RGL1: variants seen among roughly 807,000 people sequenced by gnomAD.
RGL1 encodes ral guanine nucleotide dissociation stimulator-like 1.
In RGL1, 24 loss-of-function variants were observed where a neutral mutation model predicts 95.2. The observed-to-expected ratio is 0.25, with a 90% CI of 0.18 to 0.35. The LOEUF is 0.35. Among genes scored for constraint, RGL1 ranks in the 10% least tolerant of loss-of-function variants. The pLI is 1.00. For missense variants in RGL1, 715 were observed against 936.3 expected, an observed-to-expected ratio of 0.76 and a Z score of 3.08; for synonymous variants, 329 against 344.9, an observed-to-expected ratio of 0.95 and a Z score of 0.51.
intron 15 of RGL1, among the ~76,000 whole-genome samples, chr1:183,914,760 C>T (rs1342536814): frequency 3.9e-5 from 6 of 152,076 alleles, no homozygotes; most frequent in African/African-American, 1.4e-4. Context: ...GCTGCTATAA[C>T]CCAGGCATAT....
At chr1:183,710,407 G>C (rs754825812) in intron 1 of RGL1, among the ~76,000 whole-genome samples, 1 of 152,180 alleles carries the variant, frequency 6.6e-6, no homozygotes, top group Non-Finnish European at 1.5e-5. Context: ...TGGTAAGGGG[G>C]AAGGTTATCA....
chr1:183,904,306 A>C (rs1285814202), intron 12 of RGL1, among the ~76,000 whole-genome samples: 1 of 152,202 alleles, frequency 6.6e-6, no homozygotes, highest in Non-Finnish European at 1.5e-5. Flanking sequence ...AAATCTAAAC[A>C]TTCAATTTTA....
At chr1:183,831,182 C>A (rs966907612) in intron 2 of RGL1, among the ~76,000 whole-genome samples, 1 of 152,016 alleles carries the variant, frequency 6.6e-6, no homozygotes, top group African/African-American at 2.4e-5. Context: ...GAGGGGTGCT[C>A]TAGGGGGTTT....
chr1:183,778,779 C>T (rs552177218), intron 2 of RGL1, among the ~76,000 whole-genome samples: 1 of 152,292 alleles, frequency 6.6e-6, no homozygotes, highest in African/African-American at 2.4e-5. Context: ...GCATAAGTCT[C>T]TCTGAGCAGA....
chr1:183,846,553 G>A (rs920079696), intron 2 of RGL1, among the ~76,000 whole-genome samples: 11 of 150,664 alleles, frequency 7.3e-5, no homozygotes, highest in Admixed American at 2.0e-4. Flanking sequence ...AAAAAAAAAA[G>A]AATAAAAAAC....
intron 1 of RGL1, among the ~76,000 whole-genome samples, chr1:183,693,016 A>G (rs1235212172): frequency 1.3e-5 from 2 of 151,066 alleles, no homozygotes; most frequent in Non-Finnish European, 2.9e-5. Context: ...GTGCAGTGGC[A>G]CGATCTCAGC....
At chr1:183,664,360 T>C (rs1178414438) in intron 1 of RGL1, among the ~76,000 whole-genome samples, 3 of 152,308 alleles carry the variant, frequency 2.0e-5, no homozygotes, top group African/African-American at 7.2e-5. Flanking sequence ...TTTACGGTTT[T>C]CTTCATATAG....
chr1:183,778,886 C>A (rs1659733339), intron 2 of RGL1, among the ~76,000 whole-genome samples: 1 of 152,172 alleles, frequency 6.6e-6, no homozygotes, highest in Non-Finnish European at 1.5e-5. Context: ...CCTTTGAAGA[C>A]AAATGGGCCG....
intron 1 of RGL1, among the ~76,000 whole-genome samples, chr1:183,711,631 A>G (rs1655276501): frequency 6.6e-6 from 1 of 152,174 alleles, no homozygotes; most frequent in African/African-American, 2.4e-5. Flanking sequence ...TTGGAGGGGA[A>G]TTCATTCCAT....
Position 183,909,860 on chromosome 1 carries a change from C to T in RGL1, c.1563-2222C>T, listed in dbSNP as rs1039194174. On this transcript the variant is annotated intron_variant, in intron 14 of 17. Coordinates refer to ENST00000360851, the MANE Select transcript of RGL1 (RefSeq NM_001297671.3). ...ACTACTTGTGGTGTAAATCTGTTAA[C>T]GGTAAACCTTCTCAGTCTTAGTCTG... Among the ~76,000 whole-genome samples the T allele has an allele frequency of 5.3e-5, 8 of 152,226 alleles. No homozygotes were observed. In the South Asian group the frequency reaches 6.2e-4, roughly 12 times the overall value.
At chr1:183,828,063 A>G (rs950366161) in intron 2 of RGL1, among the ~76,000 whole-genome samples, 18 of 152,220 alleles carry the variant, frequency 1.2e-4, no homozygotes, top group African/African-American at 4.1e-4. Flanking sequence ...AAGTTAAATC[A>G]CATTCCTGGA....
At chr1:183,721,903 A>G (rs1656032229) in intron 1 of RGL1, among the ~76,000 whole-genome samples, 2 of 152,222 alleles carry the variant, frequency 1.3e-5, no homozygotes, top group Admixed American at 6.5e-5. Context: ...TGTAATGACT[A>G]TCTCTGTCAC....
intron 2 of RGL1, among the ~76,000 whole-genome samples, chr1:183,769,704 T>C (rs1484843146): frequency 6.6e-6 from 1 of 152,244 alleles, no homozygotes; most frequent in African/African-American, 2.4e-5. Context: ...GGCTACACTT[T>C]GTTTACCCTG....
intron 1 of RGL1, among the ~76,000 whole-genome samples, chr1:183,704,285 AG>A (rs748905805): frequency 5.3e-5 from 8 of 152,284 alleles, no homozygotes; most frequent in Non-Finnish European, 8.8e-5. Context: ...TGTTTTTTGC[AG>A]TTAGGAAACG....
chr1:183,695,177 G>A (rs532465057), intron 1 of RGL1, among the ~76,000 whole-genome samples: 5 of 152,352 alleles, frequency 3.3e-5, no homozygotes, highest in Non-Finnish European at 5.9e-5. Context: ...TTCCAGGAAA[G>A]CATCGGCTTG....
At chr1:183,849,855 T>G (rs576041822) in intron 3 of RGL1, among the ~76,000 whole-genome samples, 2 of 152,158 alleles carry the variant, frequency 1.3e-5, no homozygotes, top group South Asian at 4.2e-4. Flanking sequence ...TTCGGAATAG[T>G]TGGTTGAGAA....
intron 1 of RGL1, among the ~76,000 whole-genome samples, chr1:183,721,156 C>T (rs1424617791): frequency 6.6e-6 from 1 of 152,174 alleles, no homozygotes; most frequent in Non-Finnish European, 1.5e-5. Context: ...GGAAAAACCA[C>T]AGGCTGCTCA....
At chr1:183,797,337 A>T (rs1162522451) in intron 2 of RGL1, among the ~76,000 whole-genome samples, 1 of 152,168 alleles carries the variant, frequency 6.6e-6, no homozygotes, top group Non-Finnish European at 1.5e-5. Flanking sequence ...TCAAAAAAAA[A>T]TTATTGCCAA....
chr1:183,916,574 G>A lies in RGL1; in HGVS notation c.1877G>A (p.Arg626His), dbSNP rs529238635. ...SCNNNPKIHK[R>H]SVSVTSITST... ...AACAACAACCCCAAAATCCACAAGCGCTCTGTCTCGGTGACGTCCATTACC... is the reference window on the plus strand; with the variant it reads ...AACAACAACCCCAAAATCCACAAGCACTCTGTCTCGGTGACGTCCATTACC... Residue 626 changes from arginine (R) to histidine (H), a missense_variant, in exon 16 of 18, where the codon CGC (arginine) becomes CAC (histidine). Transcript: ENST00000360851. The A allele has an allele frequency of 1.1e-5, 18 of 1,613,366 alleles. No individual in the cohort carries two copies. The highest frequency in any genetic ancestry group is 1.7e-4 in the Middle Eastern group (1 of 6,058).
Sources: allele counts gnomAD v4.1 joint callset (sites outside exome capture counted in the v4.1 genomes callset), GRCh38; gene constraint gnomAD v4.1.1; transcripts MANE v1.5; gene names NCBI Gene and HGNC (gene_info 2026-07-23, HGNC 2026-07-21).